The following DGKB variants were observed in gnomAD, a reference collection of about 807,000 sequenced individuals.
The protein encoded by DGKB is 90 kDa diacylglycerol kinase.
A neutral mutation model predicts 114.3 loss-of-function variants in DGKB; 67 were observed. The observed-to-expected ratio is 0.59, with a 90% CI of 0.48 to 0.72. DGKB has a LOEUF of 0.72. Among genes scored for constraint, DGKB ranks in the 30% least tolerant of loss-of-function variants. DGKB has a pLI of 0.00. For missense variants in DGKB, 907 were observed against 975.2 expected (o/e 0.93, Z 0.93); for synonymous variants, 398 against 323.1 (o/e 1.23, Z -2.49).
At chr7:14,902,236 C>A (rs924947680) in intron 1 of DGKB, among the ~76,000 whole-genome samples, 1 of 152,164 alleles carries the variant, frequency 6.6e-6, no homozygotes, top group African/African-American at 2.4e-5. Flanking sequence ...TCCAAGCCAG[C>A]CTCTTTATGA....
chr7:14,201,252 A>T (rs761795072), intron 23 of DGKB, among the ~76,000 whole-genome samples: 1 of 151,388 alleles, frequency 6.6e-6, no homozygotes, highest in African/African-American at 2.4e-5. Context: ...CCCAATTATG[A>T]TGGCACCACC....
intron 21 of DGKB, among the ~76,000 whole-genome samples, chr7:14,474,827 G>GT (rs5882447): frequency 3.0e-4 from 45 of 148,620 alleles, no homozygotes; most frequent in Non-Finnish European, 2.7e-4. Context: ...TAAATATTTA[G>GT]TTTTTTTTTT....
chr7:14,163,858 G>T (rs367990877), intron 25 of DGKB, among the ~76,000 whole-genome samples: 2 of 152,036 alleles, frequency 1.3e-5, no homozygotes, highest in East Asian at 1.9e-4. Flanking sequence ...AGCTGGGTGC[G>T]GCGGCAGGTG....
At chr7:14,263,383 C>T (rs1276034529) in intron 23 of DGKB, among the ~76,000 whole-genome samples, 1 of 152,038 alleles carries the variant, frequency 6.6e-6, no homozygotes, top group East Asian at 1.9e-4. Flanking sequence ...CTTTTTAAAA[C>T]CTATTTATCT....
chr7:14,342,172 T>C (rs1477474658), intron 22 of DGKB, among the ~76,000 whole-genome samples: 1 of 151,888 alleles, frequency 6.6e-6, no homozygotes, highest in African/African-American at 2.4e-5. Context: ...ATTCTTGAGA[T>C]CATTTAGGTT....
chr7:14,517,083 G>A (rs926282928), intron 20 of DGKB, among the ~76,000 whole-genome samples: 2 of 151,996 alleles, frequency 1.3e-5, no homozygotes, highest in African/African-American at 2.4e-5. Context: ...AACCCAATCC[G>A]CATGGTACTG....
chr7:14,840,963 C>G (rs1207618921), intron 2 of DGKB, among the ~76,000 whole-genome samples: 1 of 152,078 alleles, frequency 6.6e-6, no homozygotes, highest in Admixed American at 6.6e-5. Context: ...CCTAATTGTG[C>G]ACCTAACATT....
intron 25 of DGKB, among the ~76,000 whole-genome samples, chr7:14,152,446 G>C (rs1283407217): frequency 6.6e-6 from 1 of 151,970 alleles, no homozygotes; most frequent in Non-Finnish European, 1.5e-5. Flanking sequence ...GTTCCATGAC[G>C]GTAGAAGAGC....
At chr7:14,932,456 T>C (rs577549003) in intron 1 of DGKB, among the ~76,000 whole-genome samples, 5 of 152,246 alleles carry the variant, frequency 3.3e-5, no homozygotes, top group African/African-American at 9.6e-5. Context: ...TGTTTATCTT[T>C]ACCTAAACTA....
At chr7:14,351,029 T>C (rs1370251165) in intron 21 of DGKB, among the ~76,000 whole-genome samples, 2 of 152,086 alleles carry the variant, frequency 1.3e-5, no homozygotes, top group Non-Finnish European at 2.9e-5. Context: ...TCAGTAACTT[T>C]ATTTTAATAC....
chr7:14,492,053 T>A lies in DGKB; in HGVS notation c.1771-13828A>T, dbSNP rs79686087. Among the ~76,000 whole-genome samples, 1,333 of 152,202 alleles carry A rather than the reference T, an allele frequency of 8.8e-3. 20 individuals carry two copies. Among genetic ancestry groups the A allele is most frequent in the African/African-American group, 0.031 (1,279 of 41,546 alleles). On this transcript the variant is annotated intron_variant, in intron 20 of 25. Transcript: ENST00000402815. The stretch of plus-strand genomic sequence containing the variant: ...TTACATTATCCTTATAAATGATTAA[T>A]TTTTAATTCATAAAAGTTTACAGAG...
intron 13 of DGKB, among the ~76,000 whole-genome samples, chr7:14,667,690 A>C (rs1344147999): frequency 2.6e-5 from 4 of 152,150 alleles, no homozygotes; most frequent in African/African-American, 9.6e-5. Context: ...GAAAGTTCGC[A>C]GACTGAAAAG....
intron 20 of DGKB, among the ~76,000 whole-genome samples, chr7:14,480,458 G>A (rs886684509): frequency 1.3e-5 from 2 of 152,042 alleles, no homozygotes; most frequent in African/African-American, 4.8e-5. Context: ...CAATTCACAT[G>A]GGACCCTGTC....
chr7:14,231,125 TTCTTTC>T (rs1562684915), intron 23 of DGKB, among the ~76,000 whole-genome samples: 1 of 97,828 alleles, frequency 1.0e-5, no homozygotes, highest in Non-Finnish European at 2.3e-5. Context: ...CTTTCTTTCT[TTCTTTC>T]TTTCTTTCTT....
chr7:14,332,376 A>G (rs1809885554), intron 23 of DGKB, among the ~76,000 whole-genome samples: 1 of 151,894 alleles, frequency 6.6e-6, no homozygotes, highest in Admixed American at 6.6e-5. Context: ...AACCACGAAC[A>G]CTATGCCGCC....
At chr7:14,388,045 A>G (rs1406323427) in intron 21 of DGKB, among the ~76,000 whole-genome samples, 1 of 151,638 alleles carries the variant, frequency 6.6e-6, no homozygotes, top group Admixed American at 6.6e-5. Context: ...GCGCCCGGCT[A>G]ATTTTTGTAT....
At chr7:14,604,990 A>G (rs1412666353) in intron 17 of DGKB, among the ~76,000 whole-genome samples, 1 of 152,136 alleles carries the variant, frequency 6.6e-6, no homozygotes, top group Non-Finnish European at 1.5e-5. Flanking sequence ...ATATTTAATC[A>G]TTTTTTAAAA....
chr7:14,934,980 G>C (rs1785203482), intron 1 of DGKB, among the ~76,000 whole-genome samples: 1 of 152,292 alleles, frequency 6.6e-6, no homozygotes, highest in Admixed American at 6.5e-5. Flanking sequence ...GGTTCTGAAA[G>C]CACATTATGT....
At chr7:14,151,671 C>G (rs1278754779) in intron 25 of DGKB, among the ~76,000 whole-genome samples, 2 of 151,960 alleles carry the variant, frequency 1.3e-5, no homozygotes, top group Admixed American at 6.6e-5. Context: ...TTTCTACAGT[C>G]AAAGTACACA....
Sources: gnomAD v4.1 joint callset for allele counts (sites outside exome capture counted in the v4.1 genomes callset) on GRCh38, gnomAD v4.1.1 for gene constraint, MANE v1.5 for transcripts, NCBI Gene and HGNC (gene_info 2026-07-23, HGNC 2026-07-21) for gene names.